Variants in INPP5D observed in about 807,000 individuals in gnomAD.
INPP5D encodes the protein inositol polyphosphate-5-phosphatase D, also known as phosphatidylinositol 3,4,5-trisphosphate 5-phosphatase 1.
In INPP5D, 33 loss-of-function variants were observed where a neutral mutation model predicts 122.9. The observed-to-expected ratio is 0.27, with a 90% CI of 0.20 to 0.36. The LOEUF is 0.36. INPP5D is among the 10% of genes least tolerant of loss of function. The pLI is 1.00. For missense variants in INPP5D, 1,053 were observed against 1,412.7 expected (o/e 0.75, Z 4.08); for synonymous variants, 584 against 576.2 (o/e 1.01, Z -0.19).
intron 13 of INPP5D, among the ~76,000 whole-genome samples, chr2:233,166,841 G>C (rs1263198104): frequency 2.0e-5 from 3 of 152,094 alleles, no homozygotes; most frequent in Non-Finnish European, 4.4e-5. Flanking sequence ...AAAATTAGTT[G>C]GATGTGGTGG....
intron 2 of INPP5D, among the ~76,000 whole-genome samples, chr2:233,108,548 C>A (rs1229963350): frequency 1.3e-5 from 2 of 152,194 alleles, no homozygotes; most frequent in African/African-American, 2.4e-5. Context: ...GAGATGAGGT[C>A]TTGCGATGTT....
chr2:233,154,022 G>A (rs928183098), intron 9 of INPP5D, among the ~76,000 whole-genome samples: 1 of 152,204 alleles, frequency 6.6e-6, no homozygotes, highest in African/African-American at 2.4e-5. Context: ...ACCACCCTGC[G>A]GAGAAGCCCT....
intron 22 of INPP5D, among the ~76,000 whole-genome samples, chr2:233,191,276 A>T (rs1054294015): frequency 9.2e-5 from 14 of 152,230 alleles, no homozygotes; most frequent in East Asian, 1.9e-4. Context: ...TCTCTTGAGA[A>T]CTCACTCACC....
intron 2 of INPP5D, among the ~76,000 whole-genome samples, chr2:233,079,842 T>C (rs1691623664): frequency 6.6e-6 from 1 of 152,244 alleles, no homozygotes; most frequent in Admixed American, 6.5e-5. Flanking sequence ...TTTCCATTTG[T>C]AGAACTCTGT....
intron 2 of INPP5D, among the ~76,000 whole-genome samples, chr2:233,086,658 G>C (rs1413459898): frequency 8.3e-6 from 1 of 120,626 alleles, no homozygotes; most frequent in Non-Finnish European, 1.6e-5. Context: ...AGCAACCTGG[G>C]ATCTGCCCTC....
chr2:233,125,889 TC>T lies in INPP5D; in HGVS notation c.496del (p.Gln166SerfsTer23), dbSNP rs1346381990. ...CGGCCGAGCCTCTCCGAGACATTGT[TC>T]CAGCGACTGCAAAGCATGGACACCA... ...TSRPSLSETL[F>X]QRLQSMDTSG... On this transcript the variant is annotated frameshift_variant, in exon 4 of 27. Coordinates refer to ENST00000445964, the MANE Select transcript of INPP5D (RefSeq NM_001017915.3). LOFTEE classifies it high-confidence loss of function. 1 of 1,613,622 alleles carries T rather than the reference TC, an allele frequency of 6.2e-7. No homozygotes were observed. Among genetic ancestry groups the T allele is most frequent in the African/African-American group, 1.3e-5 (1 of 74,856 alleles).
At chr2:233,114,116 G>A (rs1692716423) in intron 2 of INPP5D, among the ~76,000 whole-genome samples, 1 of 152,100 alleles carries the variant, frequency 6.6e-6, no homozygotes, top group African/African-American at 2.4e-5. Context: ...CACTGTGTTA[G>A]CCAGGATGGT....
At position 233,068,606 on chromosome 2, in the gene INPP5D, C is replaced by T. The variant is rs374116790; in HGVS notation, c.134+7994C>T. ...CTAGAATCCGTCTAAAAAAAAAAAT[C>T]GTGCTGGCAATTAGTCTTTATGAGC... On this transcript the variant is annotated intron_variant, in intron 1 of 26. Coordinates refer to ENST00000445964, the MANE Select transcript of INPP5D (RefSeq NM_001017915.3). Among the ~76,000 whole-genome samples the T allele has an allele frequency of 7.3e-5, 11 of 151,434 alleles. No homozygotes were observed. In the South Asian group the frequency reaches 1.0e-3, roughly 14 times the overall value.
At chr2:233,185,510 C>T (rs949427378) in intron 20 of INPP5D, among the ~76,000 whole-genome samples, 2 of 151,722 alleles carry the variant, frequency 1.3e-5, no homozygotes, top group Non-Finnish European at 2.9e-5. Context: ...TGGCGTGGGA[C>T]GAGCTGTCAA....
At chr2:233,152,818 C>T (rs1310978624) in intron 9 of INPP5D, among the ~76,000 whole-genome samples, 1 of 152,060 alleles carries the variant, frequency 6.6e-6, no homozygotes, top group Non-Finnish European at 1.5e-5. Context: ...TACCAGCTCA[C>T]GTTTCCTTCC....
At chr2:233,114,975 C>T (rs1426673548) in intron 2 of INPP5D, among the ~76,000 whole-genome samples, 1 of 152,000 alleles carries the variant, frequency 6.6e-6, no homozygotes, top group Non-Finnish European at 1.5e-5. Context: ...TCAAGCAATT[C>T]TCCTGCCTCA....
chr2:233,116,748 C>A (rs1692810434), intron 2 of INPP5D, among the ~76,000 whole-genome samples: 1 of 152,050 alleles, frequency 6.6e-6, no homozygotes, highest in Non-Finnish European at 1.5e-5. Context: ...AGGCGCCTGC[C>A]ACTGCACCTG....
In INPP5D at chr2:233,198,330, C is replaced by T. The variant is rs772125160; in HGVS notation, c.2929C>T (p.Pro977Ser). The T allele has an allele frequency of 4.3e-6, 7 of 1,613,688 alleles. No homozygotes were observed. The highest frequency in any genetic ancestry group is 4.5e-5 in the East Asian group (2 of 44,878). Residue 977 changes from proline (P) to serine (S), a missense_variant, in exon 25 of 27, where the codon CCC (proline) becomes TCC (serine). Pro to Ser is a moderately conservative substitution (Grantham distance 74). Coordinates refer to ENST00000445964, the MANE Select transcript of INPP5D (RefSeq NM_001017915.3). ...GCCCATATCACCCAAGAAGTTTTTACCCTCAACAGCAAACCGGGGTCTCCC... is the reference window on the plus strand; with the variant it reads ...GCCCATATCACCCAAGAAGTTTTTATCCTCAACAGCAAACCGGGGTCTCCC... ...QPPISPKKFL[P>S]STANRGLPPR...
intron 2 of INPP5D, among the ~76,000 whole-genome samples, chr2:233,115,032 T>C (rs945933154): frequency 1.3e-5 from 2 of 152,026 alleles, no homozygotes; most frequent in Non-Finnish European, 2.9e-5. Flanking sequence ...CGCGCCTATC[T>C]AATTTTGTAT....
chr2:233,168,005 C>CAAAAAAAAA (rs58025565), intron 13 of INPP5D, among the ~76,000 whole-genome samples: 46 of 72,678 alleles, frequency 6.3e-4, no homozygotes, highest in Middle Eastern at 0.012. Flanking sequence ...ACTCTGTCTC[C>CAAAAAAAAA]AAAAAAAAAA....
chr2:233,086,521 G>A (rs1691856158), intron 2 of INPP5D, among the ~76,000 whole-genome samples: 1 of 152,110 alleles, frequency 6.6e-6, no homozygotes, highest in South Asian at 2.1e-4. Context: ...CATAGGATGT[G>A]ATAGCTGGGT....
chr2:233,200,065 C>A (rs1372452925), intron 25 of INPP5D, among the ~76,000 whole-genome samples: 1 of 152,198 alleles, frequency 6.6e-6, no homozygotes, highest in Non-Finnish European at 1.5e-5. Context: ...GGGCAGCCAG[C>A]CTGCAGAGAG....
chr2:233,127,273 T>C lies in INPP5D; in HGVS notation c.524+1354T>C, dbSNP rs1240468119. On this transcript the variant is annotated intron_variant, in intron 4 of 26. Transcript: ENST00000445964. ...TTTGCTTATCATGTCAGTGGAACCT[T>C]CCTAAAACTTCTGTTCGGAGATGGG... Among the ~76,000 whole-genome samples the C allele has an allele frequency of 2.6e-5, 4 of 152,224 alleles. No homozygotes were observed. In the South Asian group the frequency reaches 8.3e-4, roughly 31 times the overall value.
At chr2:233,131,436 C>T (rs917875021) in intron 5 of INPP5D, among the ~76,000 whole-genome samples, 5 of 152,088 alleles carry the variant, frequency 3.3e-5, no homozygotes, top group African/African-American at 1.2e-4. Flanking sequence ...GTGGCTCACG[C>T]CTGTAATACC....
Sources: gnomAD v4.1 joint callset for allele counts (sites outside exome capture counted in the v4.1 genomes callset) on GRCh38, gnomAD v4.1.1 for gene constraint, MANE v1.5 for transcripts, NCBI Gene and HGNC (gene_info 2026-07-23, HGNC 2026-07-21) for gene names.